Variants in CEP89 observed in about 807,000 individuals in gnomAD.
CEP89 encodes centrosomal protein 89.
CEP89 carries 95 observed loss-of-function variants against 97.6 expected under a neutral mutation model. The observed-to-expected ratio is 0.97, with a 90% confidence interval of 0.82 to 1.15. CEP89 has a LOEUF of 1.15. Ranked by LOEUF, CEP89 falls within the 50% of genes most tolerant of loss-of-function variation. The probability of loss-of-function intolerance (pLI) is 0.00; values close to 1 mark genes in which losing one functional copy is unlikely to be tolerated. For synonymous variants in CEP89, 354 were observed against 349.1 expected, an observed-to-expected ratio of 1.01 and a Z score of -0.16; for missense variants, 869 against 947.7, an observed-to-expected ratio of 0.92 and a Z score of 1.09.
intron 16 of CEP89, among the ~76,000 whole-genome samples, chr19:32,894,218 G>C (rs1969592225): frequency 6.6e-6 from 1 of 152,222 alleles, no homozygotes; most frequent in Non-Finnish European, 1.5e-5. Context: ...ACAACCTACA[G>C]AGGCAGGATA....
At chr19:32,906,429 A>ACACAAACTTTAGGCACAAGG (rs1363823480) in intron 14 of CEP89, among the ~76,000 whole-genome samples, 1 of 152,176 alleles carries the variant, frequency 6.6e-6, no homozygotes, top group African/African-American at 2.4e-5. Flanking sequence ...AGACTTTAGA[A>ACACAAACTTTAGGCACAAGG]CACAAACTCC....
chr19:32,954,178 C>T (rs1970998497), intron 3 of CEP89, among the ~76,000 whole-genome samples: 1 of 151,420 alleles, frequency 6.6e-6, no homozygotes, highest in African/African-American at 2.4e-5. Context: ...CGGCCAGTAT[C>T]ATGTATTAAA....
At chr19:32,882,140 G>C (rs1969297601) in intron 17 of CEP89, 127 bp from the exon 18 acceptor site, 1 of 760,328 alleles carries the variant, frequency 1.3e-6, no homozygotes, top group African/African-American at 1.8e-5. Context: ...CCCCGGATAA[G>C]TTTGGTCTGG....
intron 16 of CEP89, among the ~76,000 whole-genome samples, chr19:32,896,624 T>C (rs1475151684): frequency 6.6e-6 from 1 of 151,998 alleles, no homozygotes; most frequent in Non-Finnish European, 1.5e-5. Context: ...TGGAACTATA[T>C]TAAACTAAAA....
chr19:32,943,722 C>T (rs1468910771), intron 5 of CEP89, among the ~76,000 whole-genome samples: 4 of 151,890 alleles, frequency 2.6e-5, no homozygotes, highest in Non-Finnish European at 5.9e-5. Context: ...GTGCACAGGT[C>T]CAGTGGCAGG....
intron 3 of CEP89, 48 bp from the exon 4 acceptor site, chr19:32,953,849 C>T (rs1288649546): frequency 3.5e-6 from 4 of 1,157,744 alleles, no homozygotes; most frequent in Admixed American, 2.0e-5. Flanking sequence ...TCACTTAACA[C>T]TTGACACTGA....
At chr19:32,896,313 C>T (rs1969640206) in intron 16 of CEP89, among the ~76,000 whole-genome samples, 1 of 152,038 alleles carries the variant, frequency 6.6e-6, no homozygotes, top group African/African-American at 2.4e-5. Flanking sequence ...GAAACGAGCC[C>T]ACATATTTAC....
At chr19:32,897,925 G>A (rs1969677978) in intron 16 of CEP89, among the ~76,000 whole-genome samples, 1 of 152,200 alleles carries the variant, frequency 6.6e-6, no homozygotes, top group Non-Finnish European at 1.5e-5. Flanking sequence ...TTCATACACT[G>A]TTGGTGGGAA....
At chr19:32,968,509 A>G (rs964228814) in intron 1 of CEP89, among the ~76,000 whole-genome samples, 14 of 152,168 alleles carry the variant, frequency 9.2e-5, no homozygotes, top group African/African-American at 3.4e-4. Flanking sequence ...TGGCCTCCCA[A>G]AATACTGGGA....
chr19:32,944,220 T>TAAA (rs750448528), intron 5 of CEP89, among the ~76,000 whole-genome samples: 2 of 62,428 alleles, frequency 3.2e-5, no homozygotes, highest in Non-Finnish European at 6.0e-5. Flanking sequence ...TGAGACCCTG[T>TAAA]AAAAAAAAAA....
intron 9 of CEP89, among the ~76,000 whole-genome samples, chr19:32,927,767 G>A (rs1428300878): frequency 6.6e-6 from 1 of 151,752 alleles, no homozygotes; most frequent in African/African-American, 2.4e-5. Flanking sequence ...ACCACACCTG[G>A]CTAATTTTTG....
chr19:32,903,437 T>C (rs1209244399), intron 14 of CEP89, among the ~76,000 whole-genome samples: 1 of 152,058 alleles, frequency 6.6e-6, no homozygotes, highest in African/African-American at 2.4e-5. Context: ...GATGATGGCG[T>C]TGGCAAACAA....
At chr19:32,898,983 T>A (rs951851889) in intron 16 of CEP89, among the ~76,000 whole-genome samples, 2 of 151,802 alleles carry the variant, frequency 1.3e-5, no homozygotes, top group African/African-American at 4.8e-5. Context: ...ATATCACATG[T>A]ACCCCCACAT....
At chr19:32,955,785 G>A (rs4805832) in intron 3 of CEP89, among the ~76,000 whole-genome samples, 56,780 of 151,866 alleles carry the variant, frequency 0.37, 10,776 homozygotes, top group Admixed American at 0.48. Flanking sequence ...AAGTGCTGAG[G>A]TTACAGGCGT....
rs78508200 is a variant in CEP89 at position 32,933,659 on chromosome 19, A to G, written c.678T>C (p.Gly226=). 4.1e-4 allele frequency: 666 copies of G among 1,605,608 alleles called. 1 individual carries two copies. The African/African-American group carries it at 8.0e-3, about 19-fold the overall frequency. The change falls in exon 8 of 19, where the codon GGT becomes GGC. Residue 226 remains glycine (G), a synonymous_variant. Coordinates refer to ENST00000305768, the MANE Select transcript of CEP89 (RefSeq NM_032816.5). ...TTTCTGTATATCTTTGACGTGCTCT[A>G]CCAGTTATATCTGAAAGGGTTCAGG... ...EKPPPSPDIT[G]RARQRYTEIT...
intron 16 of CEP89, among the ~76,000 whole-genome samples, chr19:32,891,014 C>T (rs1471888465): frequency 2.6e-5 from 4 of 152,174 alleles, no homozygotes; most frequent in Non-Finnish European, 5.9e-5. Context: ...AGTGGAGCAG[C>T]GGGTCCCCAG....
rs756140462 is a variant in CEP89, at chr19:32,966,377, T to TG, written c.128dup (p.Ser44IlefsTer35). 2 of 1,546,516 alleles carry TG rather than the reference T, an allele frequency of 1.3e-6. No homozygotes were observed. The highest frequency in any genetic ancestry group is 1.4e-5 in the African/African-American group (1 of 72,448). On this transcript the variant is annotated frameshift_variant, in exon 2 of 19. Coordinates refer to ENST00000305768, the MANE Select transcript of CEP89 (RefSeq NM_032816.5). LOFTEE classifies it high-confidence loss of function. ...ATACTCACCTTGGTCTCTCTGGAGATGGGTTGGGGCTGCGGGGAGGAGGTG... is the reference window on the plus strand; with the variant it reads ...ATACTCACCTTGGTCTCTCTGGAGATGGGGTTGGGGCTGCGGGGAGGAGGTG...
chr19:32,884,569 A>C (rs1009686187), intron 17 of CEP89, among the ~76,000 whole-genome samples: 13 of 152,242 alleles, frequency 8.5e-5, no homozygotes, highest in Non-Finnish European at 1.5e-4. Flanking sequence ...ACCATTTAAA[A>C]AAATTAAAAC....
Position 32,915,580 on chromosome 19 carries a change from G to A in CEP89, c.1385-63C>T, listed in dbSNP as rs1388853939. ...AAGACCTCACAAAACACAATTATGG[G>A]CTATTAGGAAATACTAATGAGAGTC... On this transcript the variant is annotated intron_variant, in intron 13 of 18. Transcript: ENST00000305768. The A allele has an allele frequency of 3.6e-6, 5 of 1,371,164 alleles. No individual in the cohort carries two copies. The East Asian group carries it at 6.9e-5, about 19-fold the overall frequency. 84.9% of individuals were successfully genotyped at this position (1,371,164 alleles called of 1,614,324 possible). A position where few individuals can be genotyped will look rare whatever the true frequency, so the allele number is the denominator to read the frequency against.
Sources: gnomAD v4.1 joint callset for allele counts (sites outside exome capture counted in the v4.1 genomes callset) on GRCh38, gnomAD v4.1.1 for gene constraint, MANE v1.5 for transcripts, NCBI Gene and HGNC (gene_info 2026-07-23, HGNC 2026-07-21) for gene names.